The following KIAA0232 variants were observed in gnomAD, a reference collection of about 807,000 sequenced individuals.
The protein encoded by KIAA0232 is uncharacterized protein KIAA0232.
KIAA0232 carries 27 observed loss-of-function variants against 122.0 expected under a neutral mutation model. The ratio of observed to expected loss-of-function variants is 0.22; its 90% CI spans 0.16 to 0.31. The LOEUF (loss-of-function observed/expected upper bound fraction) is 0.31. KIAA0232 is among the 10% of genes least tolerant of loss of function. The probability of loss-of-function intolerance (pLI) is 1.00; values close to 1 mark genes in which losing one functional copy is unlikely to be tolerated. For missense variants in KIAA0232, 1,551 were observed against 1,634.2 expected (o/e 0.95, Z 0.88); for synonymous variants, 613 against 587.6 (o/e 1.04, Z -0.63).
intron 1 of KIAA0232, among the ~76,000 whole-genome samples, 191 bp from the exon 2 acceptor site, chr4:6,804,332 A>C (rs1321852163): frequency 6.6e-6 from 1 of 152,226 alleles, no homozygotes; most frequent in East Asian, 1.9e-4. Context: ...TGCCATCCTC[A>C]GTTTAGAGCC....
intron 2 of KIAA0232, among the ~76,000 whole-genome samples, chr4:6,812,663 A>G (rs769964106): frequency 6.6e-6 from 1 of 152,140 alleles, no homozygotes; most frequent in Non-Finnish European, 1.5e-5. Flanking sequence ...AAACATGAGA[A>G]GAAAGAAAGA....
At chr4:6,868,754 T>C (rs963668438) in intron 7 of KIAA0232, among the ~76,000 whole-genome samples, 6 of 152,180 alleles carry the variant, frequency 3.9e-5, no homozygotes, top group Admixed American at 6.5e-5. Context: ...TATAGCATGA[T>C]CCAGCCTAAA....
intron 1 of KIAA0232, among the ~76,000 whole-genome samples, chr4:6,792,261 T>C (rs940622921): frequency 3.3e-5 from 5 of 152,346 alleles, no homozygotes; most frequent in African/African-American, 1.2e-4. Flanking sequence ...TGCCTGAATT[T>C]ATTTAACTAG....
chr4:6,860,754 A>T (rs1720809376), intron 6 of KIAA0232, 147 bp from the exon 7 acceptor site: 1 of 752,038 alleles, frequency 1.3e-6, no homozygotes, highest in African/African-American at 1.8e-5. Flanking sequence ...CTGTATTATA[A>T]ATTATTGTAA....
At chr4:6,832,360 T>C (rs904408077) in intron 3 of KIAA0232, among the ~76,000 whole-genome samples, 5 of 151,648 alleles carry the variant, frequency 3.3e-5, no homozygotes, top group African/African-American at 4.8e-5. Flanking sequence ...CTTTTTTTTT[T>C]TTTTTGGAGA....
At chr4:6,828,806 A>G (rs1250988806) in intron 3 of KIAA0232, among the ~76,000 whole-genome samples, 1 of 152,154 alleles carries the variant, frequency 6.6e-6, no homozygotes, top group Non-Finnish European at 1.5e-5. Context: ...TCTTCTCTTC[A>G]TGCTGACCTC....
At chr4:6,790,201 A>G (rs1577351678) in intron 1 of KIAA0232, among the ~76,000 whole-genome samples, 1 of 152,070 alleles carries the variant, frequency 6.6e-6, no homozygotes, top group African/African-American at 2.4e-5. Context: ...TGTTTCTGAC[A>G]TCTTCCCTAA....
At chr4:6,832,806 G>A (rs1719064235) in intron 3 of KIAA0232, among the ~76,000 whole-genome samples, 1 of 152,322 alleles carries the variant, frequency 6.6e-6, no homozygotes, top group African/African-American at 2.4e-5. Flanking sequence ...AAGCATGCTA[G>A]GAGTGGGTGT....
At chr4:6,852,244 G>A (rs1720328107) in intron 4 of KIAA0232, among the ~76,000 whole-genome samples, 1 of 152,142 alleles carries the variant, frequency 6.6e-6, no homozygotes, top group Non-Finnish European at 1.5e-5. Flanking sequence ...GGCCTTGGCA[G>A]AAACAGCTTT....
chr4:6,837,474 C>T (rs373393359), intron 3 of KIAA0232, among the ~76,000 whole-genome samples: 214 of 152,212 alleles, frequency 1.4e-3, no homozygotes, highest in Middle Eastern at 3.4e-3. Flanking sequence ...AGACGATGGG[C>T]GGCTGGGCAG....
chr4:6,848,179 G>A (rs1720074655), intron 4 of KIAA0232, among the ~76,000 whole-genome samples: 1 of 152,144 alleles, frequency 6.6e-6, no homozygotes, highest in East Asian at 1.9e-4. Flanking sequence ...TTCTCACATT[G>A]AGCTAAGTCT....
chr4:6,813,149 T>C (rs1717950954), intron 2 of KIAA0232, among the ~76,000 whole-genome samples: 1 of 152,126 alleles, frequency 6.6e-6, no homozygotes, highest in African/African-American at 2.4e-5. Context: ...TCATATAGAA[T>C]ATAAAAAGAT....
At chr4:6,880,571 T>C (rs947534864) in intron 9 of KIAA0232, among the ~76,000 whole-genome samples, 3 of 152,248 alleles carry the variant, frequency 2.0e-5, no homozygotes, top group Non-Finnish European at 2.9e-5. Flanking sequence ...TAACATTTTG[T>C]CCAAGTGACT....
At chr4:6,866,470 C>T (rs1173285218) in intron 7 of KIAA0232, among the ~76,000 whole-genome samples, 2 of 152,168 alleles carry the variant, frequency 1.3e-5, no homozygotes, top group African/African-American at 4.8e-5. Flanking sequence ...GCTGAGTGAC[C>T]TGAAGGGACA....
At chr4:6,846,589 C>G (rs1268759234) in intron 4 of KIAA0232, among the ~76,000 whole-genome samples, 1 of 151,964 alleles carries the variant, frequency 6.6e-6, no homozygotes, top group Non-Finnish European at 1.5e-5. Flanking sequence ...TCCACGAAAC[C>G]AGTCCCTGGT....
At chr4:6,858,031 A>G (rs559873237) in intron 5 of KIAA0232, among the ~76,000 whole-genome samples, 18 of 152,370 alleles carry the variant, frequency 1.2e-4, no homozygotes, top group African/African-American at 4.1e-4. Context: ...TTCTTTACAG[A>G]TTAGTTTTGG....
chr4:6,869,946 A>G (rs1337766801), intron 7 of KIAA0232, among the ~76,000 whole-genome samples: 1 of 152,242 alleles, frequency 6.6e-6, no homozygotes, highest in Non-Finnish European at 1.5e-5. Flanking sequence ...CACTAAGCAG[A>G]TGTCTACTGA....
intron 3 of KIAA0232, among the ~76,000 whole-genome samples, chr4:6,840,218 A>C (rs1719570701): frequency 6.6e-6 from 1 of 152,078 alleles, no homozygotes; most frequent in African/African-American, 2.4e-5. Flanking sequence ...GGTGACAATG[A>C]GCATGCTTCT....
At chr4:6,831,560 T>C (rs962935849) in intron 3 of KIAA0232, among the ~76,000 whole-genome samples, 4 of 152,164 alleles carry the variant, frequency 2.6e-5, no homozygotes, top group Admixed American at 6.5e-5. Flanking sequence ...GAGGTTTTTT[T>C]CCCTAAACTT....
Sources: allele counts gnomAD v4.1 joint callset (sites outside exome capture counted in the v4.1 genomes callset), GRCh38; gene constraint gnomAD v4.1.1; transcripts MANE v1.5; gene names NCBI Gene and HGNC (gene_info 2026-07-23, HGNC 2026-07-21).